The following SLC5A12 variants were observed in gnomAD, a reference collection of about 807,000 sequenced individuals.
SLC5A12 encodes solute carrier family 5 member 12, also known as sodium-coupled monocarboxylate transporter 2.
A neutral mutation model predicts 72.7 loss-of-function variants in SLC5A12; 46 were observed. That is an observed-to-expected ratio of 0.63 (90% CI 0.50 to 0.81). The LOEUF (loss-of-function observed/expected upper bound fraction) is 0.81. Among genes scored for constraint, SLC5A12 ranks in the 30% least tolerant of loss-of-function variants. The probability of loss-of-function intolerance (pLI) is 0.00; values close to 1 mark genes in which losing one functional copy is unlikely to be tolerated. For synonymous variants in SLC5A12, 275 were observed against 264.4 expected (o/e 1.04, Z -0.39); for missense variants, 683 against 740.7 (o/e 0.92, Z 0.90).
chr11:26,682,268 T>G (rs1002318720), intron 11 of SLC5A12, among the ~76,000 whole-genome samples: 1 of 152,086 alleles, frequency 6.6e-6, no homozygotes, highest in African/African-American at 2.4e-5. Flanking sequence ...CCCAACCATT[T>G]AAAAAATGTC....
In SLC5A12 at chr11:26,692,534, G is replaced by T. The variant is rs750860580; in HGVS notation, c.1108C>A (p.Pro370Thr). 2.7e-5 allele frequency: 44 copies of T among 1,613,938 alleles called. No homozygotes were observed. The highest frequency in any genetic ancestry group is 1.3e-5 in the Non-Finnish European group (15 of 1,179,964). ...GTGCTCAGCTTGTCGGAGAGATGAG[G>T]AAAACAGCTCTTGACAAAATCCTCA... ...TFEDFVKSCF[P>T]HLSDKLSTWI... The change falls in exon 9 of 15, where the codon CCT (proline) becomes ACT (threonine). Residue 370 changes from proline (P) to threonine (T), a missense_variant. Physicochemically the swap from Pro to Thr is conservative, Grantham distance 38. Coordinates refer to ENST00000396005, the MANE Select transcript of SLC5A12 (RefSeq NM_178498.4).
intron 1 of SLC5A12, among the ~76,000 whole-genome samples, chr11:26,714,944 G>A (rs7936163): frequency 0.036 from 5,413 of 152,118 alleles, 323 homozygotes; most frequent in African/African-American, 0.12. Flanking sequence ...TGTGAATGAG[G>A]GCATCAGACA....
At chr11:26,717,096 T>C (rs1565204968) in intron 1 of SLC5A12, among the ~76,000 whole-genome samples, 1 of 152,126 alleles carries the variant, frequency 6.6e-6, no homozygotes, top group Admixed American at 6.6e-5. Flanking sequence ...TAGATAAACA[T>C]TGAATTTCTC....
chr11:26,695,508 AC>A (rs1472842189), intron 8 of SLC5A12, among the ~76,000 whole-genome samples: 16 of 152,214 alleles, frequency 1.1e-4, no homozygotes, highest in Admixed American at 5.9e-4. Context: ...GAATGGAGAA[AC>A]CTTTTTGAGA....
At chr11:26,703,425 T>TACAC (rs10594778) in intron 6 of SLC5A12, 106 bp downstream of exon 6, 306,064 of 870,560 alleles carry the variant, frequency 0.35, 25,908 homozygotes, top group South Asian at 0.38. Context: ...CACACATACA[T>TACAC]ACACACACAC....
intron 13 of SLC5A12, 107 bp from the exon 14 acceptor site, chr11:26,673,636 G>T: frequency 7.3e-7 from 1 of 1,375,800 alleles, no homozygotes; most frequent in Non-Finnish European, 9.6e-7. Context: ...TAGAATAAGA[G>T]TGAAAACAAG....
intron 9 of SLC5A12, among the ~76,000 whole-genome samples, chr11:26,690,352 T>C (rs2133165778): frequency 6.6e-6 from 1 of 152,174 alleles, no homozygotes; most frequent in South Asian, 2.1e-4. Flanking sequence ...AAGGCTATAA[T>C]ATAAAACAAG....
At chr11:26,678,609 T>C (rs1854319381) in intron 13 of SLC5A12, 103 bp downstream of exon 13, 2 of 820,598 alleles carry the variant, frequency 2.4e-6, no homozygotes, top group Non-Finnish European at 4.0e-6. Context: ...GAAGGGTTTT[T>C]GTGGGAAACG....
Position 26,671,045 on chromosome 11 carries a change from GTT to G in SLC5A12, c.*55_*56del. 6.8e-7 allele frequency: 1 copy of G among 1,471,416 alleles called. No homozygotes were observed. The highest frequency in any genetic ancestry group is 9.2e-7 in the Non-Finnish European group (1 of 1,088,288). The allele number at this position is 1,471,416 out of a possible 1,614,324, so 91.1% of individuals were successfully genotyped here. A position where few individuals can be genotyped will look rare whatever the true frequency, so the allele number is the denominator to read the frequency against. On this transcript the variant is annotated 3_prime_UTR_variant, in exon 15 of 15. Transcript: ENST00000396005. ...AACAAGTAGGCAAGAAGTATGTGGA[GTT>G]TGTGTGTGTGTGTGTGTATTGCACG...
At chr11:26,673,999 C>T (rs1356166824) in intron 13 of SLC5A12, among the ~76,000 whole-genome samples, 1 of 152,238 alleles carries the variant, frequency 6.6e-6, no homozygotes, top group African/African-American at 2.4e-5. Flanking sequence ...GCAATACCCT[C>T]ATGTTCCTCC....
chr11:26,697,516 G>A (rs1248305836), intron 7 of SLC5A12, among the ~76,000 whole-genome samples: 2 of 151,796 alleles, frequency 1.3e-5, no homozygotes, highest in Admixed American at 6.6e-5. Flanking sequence ...TAGATATGAT[G>A]CACTACTCTA....
At chr11:26,672,892 T>A (rs1854176428) in intron 14 of SLC5A12, among the ~76,000 whole-genome samples, 1 of 152,082 alleles carries the variant, frequency 6.6e-6, no homozygotes, top group South Asian at 2.1e-4. Flanking sequence ...TACGTTTATA[T>A]CCCATAGAAC....
At chr11:26,700,049 G>A (rs1377476480) in intron 6 of SLC5A12, among the ~76,000 whole-genome samples, 1 of 152,030 alleles carries the variant, frequency 6.6e-6, no homozygotes, top group Non-Finnish European at 1.5e-5. Context: ...TGTGACTTTA[G>A]ACAAATCACA....
rs577818643 is a variant in SLC5A12 at position 26,708,703 on chromosome 11, T to C, written c.525+609A>G. On this transcript the variant is annotated intron_variant, in intron 4 of 14. Transcript: ENST00000396005. ...TTGCAGGGAATGGGCAAACAATAGG[T>C]GCTCAATGAATGTTTAACTAAACTA... Among the ~76,000 whole-genome samples, 45 of 152,140 alleles carry C rather than the reference T, an allele frequency of 3.0e-4. No individual in the cohort carries two copies. In the South Asian group the frequency reaches 8.9e-3, roughly 30 times the overall value.
intron 4 of SLC5A12, 56 bp from the exon 5 acceptor site, chr11:26,704,003 T>G (rs1590732056): frequency 1.9e-6 from 3 of 1,591,010 alleles, no homozygotes; most frequent in Non-Finnish European, 2.6e-6. Context: ...CTGTACTGGC[T>G]CTGCAAAGCC....
intron 7 of SLC5A12, among the ~76,000 whole-genome samples, chr11:26,697,707 A>C (rs1854855923): frequency 6.6e-6 from 1 of 152,102 alleles, no homozygotes; most frequent in South Asian, 2.1e-4. Flanking sequence ...ACATGATAAG[A>C]GGCAGGCATT....
Position 26,703,185 on chromosome 11 carries a change from C to T in SLC5A12, c.821+346G>A, listed in dbSNP as rs73438416. 3.0e-3 allele frequency among the ~76,000 whole-genome samples: 458 copies of T among 152,230 alleles called. 2 individuals are homozygous for T. Among genetic ancestry groups the T allele is most frequent in the African/African-American group, 0.011 (439 of 41,556 alleles). ...AAATAATAGTTGAAAAGACCACATG[C>T]TAAATCAAGTGAGGAAGAAATGTGA... On this transcript the variant is annotated intron_variant, in intron 6 of 14. Transcript: ENST00000396005.
intron 1 of SLC5A12, among the ~76,000 whole-genome samples, chr11:26,715,578 A>G (rs1034559037): frequency 1.3e-5 from 2 of 152,168 alleles, no homozygotes; most frequent in Non-Finnish European, 2.9e-5. Context: ...ACTGCTTACT[A>G]GAATCACTTC....
At chr11:26,711,792 A>G (rs999191136) in intron 2 of SLC5A12, among the ~76,000 whole-genome samples, 4 of 151,794 alleles carry the variant, frequency 2.6e-5, no homozygotes, top group Non-Finnish European at 5.9e-5. Flanking sequence ...TGAGATAGAA[A>G]GAATCTGTGA....
Sources: allele counts gnomAD v4.1 joint callset (sites outside exome capture counted in the v4.1 genomes callset), GRCh38; gene constraint gnomAD v4.1.1; transcripts MANE v1.5; gene names NCBI Gene and HGNC (gene_info 2026-07-23, HGNC 2026-07-21).